ZNF385D: variants seen among roughly 807,000 people sequenced by gnomAD.
ZNF385D encodes the protein zinc finger protein 385D.
ZNF385D carries 15 observed loss-of-function variants against 35.8 expected under a neutral mutation model. The observed-to-expected ratio is 0.42, with a 90% CI of 0.28 to 0.64. The LOEUF (loss-of-function observed/expected upper bound fraction) is 0.64, where lower values mean the gene tolerates loss of function less well. ZNF385D is among the 30% of genes least tolerant of loss of function. The probability of loss-of-function intolerance (pLI) is 0.23; values close to 1 mark genes in which losing one functional copy is unlikely to be tolerated. For missense variants in ZNF385D, 474 were observed against 494.6 expected (o/e 0.96, Z 0.39); for synonymous variants, 212 against 186.8 (o/e 1.13, Z -1.10).
At chr3:21,537,537 G>A (rs2062066333) in intron 3 of ZNF385D, among the ~76,000 whole-genome samples, 1 of 152,034 alleles carries the variant, frequency 6.6e-6, no homozygotes, top group Non-Finnish European at 1.5e-5. Context: ...ACGAAAGCAG[G>A]CAGCTAGCTC....
chr3:21,734,019 G>T (rs1405339441), intron 1 of ZNF385D, among the ~76,000 whole-genome samples: 1 of 152,034 alleles, frequency 6.6e-6, no homozygotes, highest in Non-Finnish European at 1.5e-5. Flanking sequence ...TTCCCCGTCA[G>T]AACACTCTTT....
chr3:21,732,963 C>A (rs73046279), intron 1 of ZNF385D, among the ~76,000 whole-genome samples: 5,262 of 152,254 alleles, frequency 0.035, 166 homozygotes, highest in African/African-American at 0.08. Context: ...AGGTCATCAC[C>A]AAATCCAAGG....
intron 3 of ZNF385D, among the ~76,000 whole-genome samples, chr3:21,558,599 A>G (rs1199547402): frequency 6.6e-6 from 1 of 152,166 alleles, no homozygotes; most frequent in Non-Finnish European, 1.5e-5. Context: ...AATAAGAGCA[A>G]TGAGTTGCTG....
intron 3 of ZNF385D, among the ~76,000 whole-genome samples, chr3:22,111,462 G>A (rs185354390): frequency 1.4e-3 from 206 of 152,170 alleles, no homozygotes; most frequent in African/African-American, 4.7e-3. Context: ...ACTGGGGTAC[G>A]CACATGGTGA....
intron 4 of ZNF385D, among the ~76,000 whole-genome samples, chr3:21,473,166 T>A (rs1026600669): frequency 6.6e-6 from 1 of 152,082 alleles, no homozygotes; most frequent in African/African-American, 2.4e-5. Flanking sequence ...TCCTATTGTT[T>A]TAAAAGTGCA....
chr3:22,189,048 C>G (rs1426114415), intron 2 of ZNF385D, among the ~76,000 whole-genome samples: 1 of 148,754 alleles, frequency 6.7e-6, no homozygotes, highest in Non-Finnish European at 1.5e-5. Flanking sequence ...ATTTTTTTTT[C>G]TCTTCATTAG....
intron 3 of ZNF385D, chr3:21,978,410 T>A (rs191837847): frequency 6.6e-6 from 1 of 152,246 alleles, no homozygotes; most frequent in Non-Finnish European, 1.5e-5. Flanking sequence ...CTTTGCTTTT[T>A]AATTTATTTA....
chr3:21,815,210 A>G (rs1230037252), intron 3 of ZNF385D, among the ~76,000 whole-genome samples: 1 of 152,182 alleles, frequency 6.6e-6, no homozygotes, highest in African/African-American at 2.4e-5. Context: ...TTATGGCACT[A>G]AAATGCCCAC....
chr3:22,157,195 C>T (rs1403783096), intron 3 of ZNF385D, among the ~76,000 whole-genome samples: 2 of 152,036 alleles, frequency 1.3e-5, no homozygotes, highest in Non-Finnish European at 1.5e-5. Flanking sequence ...TGGCAAATTT[C>T]TTTACTTTCC....
intron 2 of ZNF385D, among the ~76,000 whole-genome samples, chr3:22,350,777 ATTC>A (rs1695880427): frequency 6.6e-6 from 1 of 152,124 alleles, no homozygotes; most frequent in Non-Finnish European, 1.5e-5. Context: ...TGTAAAAGAC[ATTC>A]TTCTGTGGCA....
At chr3:22,244,571 A>T (rs1699674152) in intron 2 of ZNF385D, among the ~76,000 whole-genome samples, 1 of 150,878 alleles carries the variant, frequency 6.6e-6, no homozygotes, top group Non-Finnish European at 1.5e-5. Context: ...AATGATTAAT[A>T]TTTAATGTCC....
chr3:22,357,571 C>T (rs1696211869), intron 2 of ZNF385D, among the ~76,000 whole-genome samples: 2 of 151,616 alleles, frequency 1.3e-5, no homozygotes, highest in Admixed American at 1.3e-4. Flanking sequence ...CTAGGTTATG[C>T]TAAACTATCA....
intron 7 of ZNF385D, among the ~76,000 whole-genome samples, chr3:21,423,543 A>G (rs2125248768): frequency 6.6e-6 from 1 of 152,336 alleles, no homozygotes; most frequent in Admixed American, 6.5e-5. Context: ...ATAATAGTAT[A>G]CTTAGCAATA....
chr3:22,004,200 G>A (rs1426357746), intron 3 of ZNF385D, among the ~76,000 whole-genome samples: 1 of 152,108 alleles, frequency 6.6e-6, no homozygotes, highest in African/African-American at 2.4e-5. Flanking sequence ...GTTGGGGATA[G>A]GATACCGTCT....
chr3:21,628,365 T>A (rs2065190867), intron 2 of ZNF385D, among the ~76,000 whole-genome samples: 2 of 152,132 alleles, frequency 1.3e-5, no homozygotes, highest in Admixed American at 1.3e-4. Flanking sequence ...ATTAACTAAC[T>A]GGCAGTGGAA....
intron 2 of ZNF385D, among the ~76,000 whole-genome samples, chr3:22,300,890 A>C (rs1047082776): frequency 6.6e-6 from 1 of 152,028 alleles, no homozygotes; most frequent in Non-Finnish European, 1.5e-5. Flanking sequence ...TTCCTCAAAA[A>C]ATTAAACATA....
chr3:21,848,274 C>A (rs894348482), intron 3 of ZNF385D, among the ~76,000 whole-genome samples: 6 of 151,956 alleles, frequency 3.9e-5, no homozygotes, highest in African/African-American at 1.4e-4. Context: ...GTTGTTTCCA[C>A]ATTTTGGCTA....
At chr3:22,198,505 G>T (rs1025220343) in intron 2 of ZNF385D, among the ~76,000 whole-genome samples, 11 of 152,036 alleles carry the variant, frequency 7.2e-5, no homozygotes, top group Admixed American at 3.9e-4. Context: ...AAGAAAACAA[G>T]AGAGAAGTTA....
intron 2 of ZNF385D, among the ~76,000 whole-genome samples, chr3:22,221,039 G>T (rs895303187): frequency 6.6e-6 from 1 of 151,748 alleles, no homozygotes; most frequent in Admixed American, 6.6e-5. Context: ...ATTTATTCCA[G>T]AACATGACAG....
Sources: gnomAD v4.1 joint callset for allele counts (sites outside exome capture counted in the v4.1 genomes callset) on GRCh38, gnomAD v4.1.1 for gene constraint, MANE v1.5 for transcripts, NCBI Gene and HGNC (gene_info 2026-07-23, HGNC 2026-07-21) for gene names.